The following SERPINH1 variants were observed in gnomAD, a reference collection of about 807,000 sequenced individuals.
The protein encoded by SERPINH1 is serpin family H member 1.
SERPINH1 carries 22 observed loss-of-function variants against 32.3 expected under a neutral mutation model. The ratio of observed to expected loss-of-function variants is 0.68; its 90% CI spans 0.49 to 0.97. The LOEUF (loss-of-function observed/expected upper bound fraction) is 0.97, where lower values mean the gene tolerates loss of function less well. Among genes scored for constraint, SERPINH1 ranks in the 50% least tolerant of loss-of-function variants. The probability of loss-of-function intolerance (pLI) is 0.00; values close to 1 mark genes in which losing one functional copy is unlikely to be tolerated. For synonymous variants in SERPINH1, 251 were observed against 245.9 expected, an observed-to-expected ratio of 1.02 and a Z score of -0.19; for missense variants, 543 against 576.4, an observed-to-expected ratio of 0.94 and a Z score of 0.59.
At chr11:75,569,512 TC>T (rs1204406529) in intron 4 of SERPINH1, 1 of 192,250 alleles carries the variant, frequency 5.2e-6, no homozygotes, top group Non-Finnish European at 1.1e-5. Flanking sequence ...AACCTCCACT[TC>T]CTGGGTTCAA....
At chr11:75,567,034 A>G in intron 2 of SERPINH1, 63 bp downstream of exon 2, 1 of 1,540,434 alleles carries the variant, frequency 6.5e-7, no homozygotes, top group Non-Finnish European at 8.8e-7. Flanking sequence ...AAGAGTTAGG[A>G]CGACATTCCG....
chr11:75,566,994 GGTC>G (rs1942102211), intron 2 of SERPINH1, 23 bp downstream of exon 2: 2 of 1,560,406 alleles, frequency 1.3e-6, no homozygotes, highest in African/African-American at 1.4e-5. Flanking sequence ...CGCGTTCAGG[GGTC>G]CTCCTCCTCC....
At position 75,566,556 on chromosome 11, in the gene SERPINH1, G is replaced by A; in HGVS notation, c.207G>A (p.Val69=). Residue 69 remains valine, a synonymous_variant, in exon 2 of 5, where the codon GTG becomes GTA. Coordinates refer to ENST00000358171, the MANE Select transcript of SERPINH1 (RefSeq NM_001235.5). ...ACCAGGCAGTGGAGAACATCCTGGT[G>A]TCACCCGTGGTGGTGGCCTCGTCGC... ...AKDQAVENIL[V]SPVVVASSLG... 2 of 1,610,734 alleles carry A rather than the reference G, an allele frequency of 1.2e-6. No homozygotes were observed. Among genetic ancestry groups the A allele is most frequent in the South Asian group, 2.2e-5 (2 of 90,922 alleles).
rs1400291324 is a variant in SERPINH1, at chr11:75,566,904, G to C, written c.555G>C (p.Leu185=). The C allele has an allele frequency of 5.0e-6, 8 of 1,608,118 alleles. No individual in the cohort carries two copies. The highest frequency in any genetic ancestry group is 1.7e-5 in the Admixed American group (1 of 59,998). Residue 185 remains leucine, a synonymous_variant, in exon 2 of 5, where the codon CTG becomes CTC. Transcript: ENST00000358171. The part of the protein sequence containing the change: ...EWAAQTTDGK[L]PEVTKDVERT... ...CCGCGCAGACCACCGACGGCAAGCT[G>C]CCCGAGGTCACCAAGGACGTGGAGC...
intron 4 of SERPINH1, chr11:75,569,419 G>A (rs1260491623): frequency 2.3e-6 from 1 of 444,104 alleles, no homozygotes; most frequent in African/African-American, 2.0e-5. Context: ...CACTTTATAT[G>A]TATTATTATT....
At chr11:75,571,595 G>A (rs970997826) in intron 4 of SERPINH1, among the ~76,000 whole-genome samples, 186 bp from the exon 5 acceptor site, 2 of 152,226 alleles carry the variant, frequency 1.3e-5, no homozygotes, top group Admixed American at 1.3e-4. Flanking sequence ...AGCCCTTGTA[G>A]GGTTGCAGTG....
Position 75,566,527 on chromosome 11 carries a change from A to G in SERPINH1, c.178A>G (p.Lys60Glu), listed in dbSNP as rs752594307. ...LAFSLYQAMA[K>E]DQAVENILVS... is the part of the protein sequence containing the mutation. ...CTTCAGCTTGTACCAGGCCATGGCC[A>G]AGGACCAGGCAGTGGAGAACATCCT... is the stretch of plus-strand genomic sequence containing the variant. The change falls in exon 2 of 5, where the codon AAG becomes GAG. Residue 60 changes from lysine to glutamate, a missense_variant. By Grantham distance (56) the Lys-to-Glu change is moderately conservative. This residue lies in a region of SERPINH1 where 109 missense variants were observed against 102.4 expected (regional missense o/e 1.06). Coordinates refer to ENST00000358171, the MANE Select transcript of SERPINH1 (RefSeq NM_001235.5). 6.2e-6 allele frequency: 10 copies of G among 1,612,022 alleles called. No individual in the cohort carries two copies. The highest frequency in any genetic ancestry group is 7.6e-6 in the Non-Finnish European group (9 of 1,179,800).
intron 2 of SERPINH1, among the ~76,000 whole-genome samples, 192 bp downstream of exon 2, chr11:75,567,163 G>T (rs1377978616): frequency 6.6e-6 from 1 of 152,198 alleles, no homozygotes; most frequent in Non-Finnish European, 1.5e-5. Context: ...AGCGTGTAAA[G>T]GAATGGTTCA....
intron 1 of SERPINH1, among the ~76,000 whole-genome samples, chr11:75,564,215 C>T (rs1412538284): frequency 6.6e-6 from 1 of 152,266 alleles, no homozygotes; most frequent in Non-Finnish European, 1.5e-5. Context: ...AGTTCAGCCT[C>T]CTGCCTGCCA....
rs1421710251 is a variant in SERPINH1 at position 75,566,321 on chromosome 11, C to T, written c.-29C>T. ...TGTCTGTGCAATCCTCACAGGCCCA[C>T]CGTGGTGCACGCAAACCACTTCCTG... is the stretch of plus-strand genomic sequence containing the variant. On this transcript the variant is annotated 5_prime_UTR_variant, in exon 2 of 5. Coordinates refer to ENST00000358171, the MANE Select transcript of SERPINH1 (RefSeq NM_001235.5). The T allele has an allele frequency of 6.3e-7, 1 of 1,599,026 alleles. No individual in the cohort carries two copies. The highest frequency in any genetic ancestry group is 8.5e-7 in the Non-Finnish European group (1 of 1,173,658).
intron 1 of SERPINH1, chr11:75,562,687 G>A (rs1278616990): frequency 1.3e-5 from 2 of 152,710 alleles, no homozygotes; most frequent in Non-Finnish European, 2.9e-5. Flanking sequence ...AAGAAACAGA[G>A]GAGGAAGGAG....
In SERPINH1 at chr11:75,566,784, C is replaced by A. The variant is rs756623619; in HGVS notation, c.435C>A (p.Asp145Glu). The A allele has an allele frequency of 6.2e-7, 1 of 1,613,292 alleles. No homozygotes were observed. The highest frequency in any genetic ancestry group is 1.1e-5 in the South Asian group (1 of 91,088). ...CCAGCTCAGTGAGCTTCGCTGATGA[C>A]TTCGTGCGCAGCAGCAAGCAGCACT... ...YGPSSVSFAD[D>E]FVRSSKQHYN... The change falls in exon 2 of 5, where the codon GAC (aspartate) becomes GAA (glutamate). Residue 145 changes from aspartate (D) to glutamate (E), a missense_variant. By Grantham distance (45) the Asp-to-Glu change is conservative (BLOSUM62 2). Coordinates refer to ENST00000358171, the MANE Select transcript of SERPINH1 (RefSeq NM_001235.5).
Position 75,571,956 on chromosome 11 carries a change from G to T in SERPINH1, c.1130G>T (p.Arg377Leu). 2 of 1,614,174 alleles carry T rather than the reference G, an allele frequency of 1.2e-6. No individual in the cohort carries two copies. The highest frequency in any genetic ancestry group is 1.7e-6 in the Non-Finnish European group (2 of 1,180,034). ...DQDIYGREEL[R>L]SPKLFYADHP... ...GACATCTACGGGCGCGAGGAGCTGC[G>T]CAGCCCCAAGCTGTTCTACGCCGAC... Residue 377 changes from arginine to leucine, a missense_variant, in exon 5 of 5, where the codon CGC (arginine) becomes CTC (leucine). Physicochemically the swap from Arg to Leu is moderately radical, Grantham distance 102. Around this residue, in one of 3 missense-constraint regions of SERPINH1, gnomAD observed 427 missense variants for 446.4 expected, o/e 0.96. Coordinates refer to ENST00000358171, the MANE Select transcript of SERPINH1 (RefSeq NM_001235.5).
intron 1 of SERPINH1, among the ~76,000 whole-genome samples, chr11:75,565,726 A>G (rs906652012): frequency 6.6e-6 from 1 of 152,218 alleles, no homozygotes; most frequent in Non-Finnish European, 1.5e-5. Flanking sequence ...CCAGAGCAGA[A>G]TGAAAGGCAT....
At chr11:75,570,972 G>T (rs1942185876) in intron 4 of SERPINH1, among the ~76,000 whole-genome samples, 1 of 152,164 alleles carries the variant, frequency 6.6e-6, no homozygotes, top group Non-Finnish European at 1.5e-5. Flanking sequence ...GAGTGGGGTG[G>T]GGCGTGCCAA....
At chr11:75,571,556 G>A (rs540131806) in intron 4 of SERPINH1, among the ~76,000 whole-genome samples, 2 of 152,230 alleles carry the variant, frequency 1.3e-5, no homozygotes, top group Non-Finnish European at 2.9e-5. Context: ...CTGAGTCTCA[G>A]CTTCCTCATC....
intron 1 of SERPINH1, 191 bp downstream of exon 1, chr11:75,562,510 G>A (rs1172682618): frequency 6.6e-6 from 1 of 152,386 alleles, no homozygotes; most frequent in African/African-American, 2.4e-5. Flanking sequence ...GGGCTAGCCA[G>A]TGATGGTGCC....
rs1360843200 is a variant in SERPINH1 at position 75,572,202 on chromosome 11, G to A, written c.*119G>A. 12 of 1,000,280 alleles carry A rather than the reference G, an allele frequency of 1.2e-5. No individual in the cohort carries two copies. Among genetic ancestry groups the A allele is most frequent in the Non-Finnish European group, 1.8e-5 (12 of 655,896 alleles). 62.0% of individuals were successfully genotyped at this position (1,000,280 alleles called of 1,614,324 possible). On this transcript the variant is annotated 3_prime_UTR_variant, in exon 5 of 5. Transcript: ENST00000358171. ...CTTGGATACTCCATGGGGTGGGGGTGGAAAAACAGACCGGGGTTCCCGTGT... is the reference window on the plus strand; with the variant it reads ...CTTGGATACTCCATGGGGTGGGGGTAGAAAAACAGACCGGGGTTCCCGTGT...
In SERPINH1 at chr11:75,566,876, G is replaced by A; in HGVS notation, c.527G>A (p.Trp176Ter). Residue 176 changes from tryptophan to a stop codon, truncating the protein, a stop_gained, in exon 2 of 5, where the codon TGG (tryptophan) becomes TAG (stop). Coordinates refer to ENST00000358171, the MANE Select transcript of SERPINH1 (RefSeq NM_001235.5). LOFTEE classifies it high-confidence loss of function. ...AGCGCGCTGCAGTCCATCAACGAGTGGGCCGCGCAGACCACCGACGGCAAG... is the reference window on the plus strand; with the variant it reads ...AGCGCGCTGCAGTCCATCAACGAGTAGGCCGCGCAGACCACCGACGGCAAG... ...KRSALQSINE[W>*]AAQTTDGKLP... 1 of 1,610,356 alleles carries A rather than the reference G, an allele frequency of 6.2e-7. No homozygotes were observed. The highest frequency in any genetic ancestry group is 8.5e-7 in the Non-Finnish European group (1 of 1,179,958).
Sources: gnomAD v4.1 joint callset for allele counts (sites outside exome capture counted in the v4.1 genomes callset) on GRCh38, gnomAD v4.1.1 for gene constraint, gnomAD v4.1.1 regional missense constraint, MANE v1.5 for transcripts, NCBI Gene and HGNC (gene_info 2026-07-23, HGNC 2026-07-21) for gene names.